Variants in GABRA4 observed in about 807,000 individuals in gnomAD.
The protein encoded by GABRA4 is gamma-aminobutyric acid type A receptor subunit alpha4, also known as gamma-aminobutyric acid receptor subunit alpha-4.
In GABRA4, 12 loss-of-function variants were observed where a neutral mutation model predicts 49.7. The ratio of observed to expected loss-of-function variants is 0.24; its 90% CI spans 0.15 to 0.39. GABRA4 has a LOEUF of 0.39. Among genes scored for constraint, GABRA4 ranks in the 10% least tolerant of loss-of-function variants. GABRA4 has a pLI of 1.00. For synonymous variants in GABRA4, 288 were observed against 240.2 expected, an observed-to-expected ratio of 1.20 and a Z score of -1.84; for missense variants, 506 against 686.0, an observed-to-expected ratio of 0.74 and a Z score of 2.93.
chr4:46,942,079 C>T (rs1471587505), intron 8 of GABRA4, among the ~76,000 whole-genome samples: 1 of 152,148 alleles, frequency 6.6e-6, no homozygotes, highest in African/African-American at 2.4e-5. Context: ...TTTGTTGATT[C>T]ATCCAGCCAT....
intron 2 of GABRA4, among the ~76,000 whole-genome samples, chr4:46,991,685 C>T (rs758900731): frequency 4.1e-5 from 5 of 122,542 alleles, no homozygotes; most frequent in African/African-American, 5.9e-5. Flanking sequence ...TCTGGGTTTA[C>T]ATCCTTCTCC....
At position 46,928,514 on chromosome 4, in the gene GABRA4, A is replaced by T; in HGVS notation, c.1376T>A (p.Ile459Asn). Residue 459 changes from isoleucine (I) to asparagine (N), a missense_variant, in exon 9 of 9, where the codon ATC becomes AAC. Around this residue, in one of 5 missense-constraint regions of GABRA4, gnomAD observed 243 missense variants for 210.8 expected, o/e 1.15. Transcript: ENST00000264318. ...CTTTCGAGGCATATATCCAGTTCGG[A>T]TAGAAGTAGGAGAAGCAGATGGAAG... The part of the protein sequence containing the change: ...RALPSASPTS[I>N]RTGYMPRKAS... 6.2e-7 allele frequency: 1 copy of T among 1,613,650 alleles called. No individual in the cohort carries two copies. Among genetic ancestry groups the T allele is most frequent in the Non-Finnish European group, 8.5e-7 (1 of 1,179,734 alleles).
intron 6 of GABRA4, among the ~76,000 whole-genome samples, chr4:46,971,810 A>C (rs1393398778): frequency 6.6e-6 from 1 of 151,420 alleles, no homozygotes; most frequent in Admixed American, 6.6e-5. Flanking sequence ...TGAATTTCTA[A>C]ATGTTCTTTA....
At chr4:46,943,551 G>T (rs1431069902) in intron 8 of GABRA4, among the ~76,000 whole-genome samples, 1 of 152,008 alleles carries the variant, frequency 6.6e-6, no homozygotes, top group Non-Finnish European at 1.5e-5. Flanking sequence ...GTTTTCAGGG[G>T]AAACAATTAT....
At chr4:46,933,468 C>A (rs751209346) in intron 8 of GABRA4, among the ~76,000 whole-genome samples, 9 of 152,100 alleles carry the variant, frequency 5.9e-5, no homozygotes, top group Non-Finnish European at 1.3e-4. Context: ...ATATCATATC[C>A]TACATAAAGG....
At chr4:46,968,471 C>A (rs1044305064) in intron 7 of GABRA4, among the ~76,000 whole-genome samples, 1 of 151,512 alleles carries the variant, frequency 6.6e-6, no homozygotes, top group Non-Finnish European at 1.5e-5. Context: ...CCCCACACCT[C>A]CTGTGAAGAC....
intron 7 of GABRA4, among the ~76,000 whole-genome samples, chr4:46,970,770 T>C (rs1722926582): frequency 6.6e-6 from 1 of 151,548 alleles, no homozygotes; most frequent in African/African-American, 2.4e-5. Context: ...TAATTTTAAT[T>C]CAATTACACA....
intron 8 of GABRA4, among the ~76,000 whole-genome samples, chr4:46,931,949 T>C (rs17641386): frequency 0.24 from 36,981 of 152,036 alleles, 4,699 homozygotes; most frequent in East Asian, 0.29. Context: ...GATCCACAGA[T>C]TTGGGAGCAA....
At chr4:46,945,213 A>G (rs1162584100) in intron 8 of GABRA4, among the ~76,000 whole-genome samples, 1 of 152,130 alleles carries the variant, frequency 6.6e-6, no homozygotes, top group Non-Finnish European at 1.5e-5. Flanking sequence ...GTCCTGGAAT[A>G]TTAACTGATA....
intron 2 of GABRA4, 87 bp downstream of exon 2, chr4:46,992,741 A>G: frequency 1.0e-6 from 1 of 952,468 alleles, no homozygotes; most frequent in African/African-American, 1.6e-5. Flanking sequence ...CGTGAGGCAT[A>G]CCTAATGATA....
chr4:46,977,174 AACC>A, intron 4 of GABRA4, 31 bp from the exon 5 acceptor site: 1 of 1,409,296 alleles, frequency 7.1e-7, no homozygotes, highest in Non-Finnish European at 9.9e-7. Flanking sequence ...AAATAAAATC[AACC>A]CTTTTAAAGA....
intron 8 of GABRA4, among the ~76,000 whole-genome samples, chr4:46,943,019 C>T (rs1346450035): frequency 2.6e-5 from 4 of 151,906 alleles, no homozygotes; most frequent in Non-Finnish European, 5.9e-5. Flanking sequence ...ATCTATCTAC[C>T]CATTTATTCA....
rs751226176 is a variant in GABRA4 at position 46,977,397 on chromosome 4, A to T, written c.494+13T>A. The stretch of plus-strand genomic sequence containing the variant: ...AATAAAAAAGGAAGGGAAGAAGTAA[A>T]AAAAAATATTACCTCATTGTGTATA... On this transcript the variant is annotated intron_variant, in intron 4 of 8. Transcript: ENST00000264318. 1 of 1,409,790 alleles carries T rather than the reference A, an allele frequency of 7.1e-7. No homozygotes were observed. Among genetic ancestry groups the T allele is most frequent in the Admixed American group, 2.0e-5 (1 of 49,788 alleles). The allele number at this position is 1,409,790 out of a possible 1,614,324, so 87.3% of individuals were successfully genotyped here.
chr4:46,961,184 T>C (rs1040812837), intron 8 of GABRA4, among the ~76,000 whole-genome samples: 1 of 151,876 alleles, frequency 6.6e-6, no homozygotes, highest in Non-Finnish European at 1.5e-5. Context: ...TGGAAAGATA[T>C]TAATTTTTCA....
intron 7 of GABRA4, among the ~76,000 whole-genome samples, chr4:46,970,470 G>A (rs1722911029): frequency 1.3e-5 from 2 of 151,256 alleles, no homozygotes; most frequent in African/African-American, 4.8e-5. Context: ...TATAAAAATT[G>A]TAAACTCATA....
Position 46,928,640 on chromosome 4 carries a change from A to G in GABRA4, c.1250T>C (p.Val417Ala), listed in dbSNP as rs1721323882. ...AGGTGTGCCTTTAGAAGATTCTTGA[A>G]CAACTGTGGAAGATTTGCTTGAATG... is the stretch of plus-strand genomic sequence containing the variant. The part of the protein sequence containing the change: ...GNHSSKSSTV[V>A]QESSKGTPRS... Residue 417 changes from valine to alanine, a missense_variant, in exon 9 of 9, where the codon GTT becomes GCT. Physicochemically the swap from Val to Ala is moderately conservative, Grantham distance 64. This residue lies in a region of GABRA4 where 243 missense variants were observed against 210.8 expected (regional missense o/e 1.15). Coordinates refer to ENST00000264318, the MANE Select transcript of GABRA4 (RefSeq NM_000809.4). The G allele has an allele frequency of 1.2e-6, 2 of 1,613,594 alleles. No individual in the cohort carries two copies. Among genetic ancestry groups the G allele is most frequent in the African/African-American group, 2.7e-5 (2 of 74,864 alleles).
intron 8 of GABRA4, among the ~76,000 whole-genome samples, chr4:46,954,511 C>G (rs893810177): frequency 6.7e-6 from 1 of 149,246 alleles, no homozygotes; most frequent in East Asian, 2.0e-4. Flanking sequence ...GAGCCAAAAT[C>G]GTGCCATTGC....
rs1251408307 is a variant in GABRA4, at chr4:46,920,193, C to T, written c.*8032G>A. The T allele has an allele frequency of 6.6e-6, 1 of 151,648 alleles. No homozygotes were observed. Among genetic ancestry groups the T allele is most frequent in the Non-Finnish European group, 1.5e-5 (1 of 67,648 alleles). 9.4% of individuals were successfully genotyped at this position (151,648 alleles called of 1,614,324 possible). A position where few individuals can be genotyped will look rare whatever the true frequency, so the allele number is the denominator to read the frequency against. ...TGTTATCAGAGCTTCTTTTACTTCC[C>T]TCTAAGGAAGCTGTTTTCTATGGAC... On this transcript the variant is annotated 3_prime_UTR_variant, in exon 9 of 9. Transcript: ENST00000264318.
chr4:46,983,420 C>G (rs1255753572), intron 2 of GABRA4, among the ~76,000 whole-genome samples: 2 of 152,094 alleles, frequency 1.3e-5, no homozygotes, highest in Non-Finnish European at 2.9e-5. Flanking sequence ...CAAACTAGCA[C>G]AATGCCTTGC....
Sources: allele counts gnomAD v4.1 joint callset (sites outside exome capture counted in the v4.1 genomes callset), GRCh38; gene constraint gnomAD v4.1.1; regional missense constraint gnomAD v4.1.1; transcripts MANE v1.5; gene names NCBI Gene and HGNC (gene_info 2026-07-23, HGNC 2026-07-21).